The following IFT122 variants were observed in gnomAD, a reference collection of about 807,000 sequenced individuals.
IFT122 encodes the protein intraflagellar transport 122.
Under a neutral mutation model 161.6 loss-of-function variants are expected in IFT122, and 118 were observed. The ratio of observed to expected loss-of-function variants is 0.73; its 90% CI spans 0.63 to 0.85. The LOEUF (loss-of-function observed/expected upper bound fraction) is 0.85. IFT122 is among the 40% of genes least tolerant of loss of function. The pLI is 0.00. For missense variants in IFT122, 1,381 were observed against 1,579.6 expected, an observed-to-expected ratio of 0.87 and a Z score of 2.13; for synonymous variants, 550 against 602.4, an observed-to-expected ratio of 0.91 and a Z score of 1.27.
At chr3:129,481,474 G>A in intron 13 of IFT122, 56 bp from the exon 14 acceptor site, 3 of 1,368,786 alleles carry the variant, frequency 2.2e-6, no homozygotes, top group Non-Finnish European at 1.0e-6. Flanking sequence ...GCCTGGCAGT[G>A]GGCCAGGATC....
At chr3:129,442,427 G>T (rs115378209) in intron 1 of IFT122, among the ~76,000 whole-genome samples, 1,704 of 152,128 alleles carry the variant, frequency 0.011, 30 homozygotes, top group African/African-American at 0.039. Context: ...AATGAATGAT[G>T]AATAAAGATT....
At chr3:129,492,821 T>C (rs1053011841) in intron 17 of IFT122, among the ~76,000 whole-genome samples, 30 of 150,250 alleles carry the variant, frequency 2.0e-4, no homozygotes, top group South Asian at 4.2e-4. Flanking sequence ...TTTTTCTTTT[T>C]TTTTTTTTTT....
chr3:129,492,186 A>G lies in IFT122; in HGVS notation c.2038A>G (p.Ser680Gly), dbSNP rs769054292. The G allele has an allele frequency of 3.8e-5, 62 of 1,612,630 alleles. No individual in the cohort carries two copies. Among genetic ancestry groups the G allele is most frequent in the Non-Finnish European group, 5.2e-5 (61 of 1,178,680 alleles). Residue 680 changes from serine to glycine, a missense_variant, in exon 17 of 30, where the codon AGC becomes GGC. Coordinates refer to ENST00000348417, the MANE Select transcript of IFT122 (RefSeq NM_052989.3). ...QDLRYLELIS[S>G]IEERKKRGET... ...CCTCCGATATTTAGAGCTCATCAGC[A>G]GCATTGAGGTAAAAGATGAAGCATT...
chr3:129,476,937 C>A, intron 11 of IFT122, 136 bp downstream of exon 11: 240 of 738,652 alleles, frequency 3.2e-4, no homozygotes, highest in Non-Finnish European at 4.4e-4. Context: ...GGGTCTGTGT[C>A]TTGTTTTCTT....
chr3:129,469,272 T>G (rs2077119493), intron 8 of IFT122, 70 bp from the exon 9 acceptor site: 3 of 1,326,824 alleles, frequency 2.3e-6, no homozygotes, highest in South Asian at 2.4e-5. Context: ...TCCTGTTGTT[T>G]AAGCCCTTAG....
At chr3:129,450,287 G>C (rs1390498429) in intron 2 of IFT122, among the ~76,000 whole-genome samples, 4 of 152,156 alleles carry the variant, frequency 2.6e-5, no homozygotes, top group African/African-American at 9.7e-5. Context: ...ACGGTGCTGT[G>C]TCCATGAAAA....
At chr3:129,452,719 G>A (rs546161996) in intron 3 of IFT122, among the ~76,000 whole-genome samples, 2 of 152,314 alleles carry the variant, frequency 1.3e-5, no homozygotes, top group South Asian at 2.1e-4. Flanking sequence ...ACTACTGAAA[G>A]GTCCTCAGCA....
chr3:129,478,526 C>T (rs1311104694), intron 12 of IFT122, among the ~76,000 whole-genome samples: 1 of 152,292 alleles, frequency 6.6e-6, no homozygotes, highest in African/African-American at 2.4e-5. Flanking sequence ...ACAATTATGG[C>T]TCACTGCAGC....
Position 129,507,736 on chromosome 3 carries a change from G to A in IFT122, c.2860G>A (p.Gly954Ser), listed in dbSNP as rs1246744473. The change falls in exon 23 of 30, where the codon GGT (glycine) becomes AGT (serine). Residue 954 changes from glycine (G) to serine (S), a missense_variant. By Grantham distance (56) the Gly-to-Ser change is moderately conservative. Coordinates refer to ENST00000348417, the MANE Select transcript of IFT122 (RefSeq NM_052989.3). ...CCAGCGTTTGGCAGAGCTGTACCAT[G>A]GTTACCATGCCATCCATCGCCACAC... ...HFQRLAELYHGYHAIHRHTED... is the reference protein window; with the variant it reads ...HFQRLAELYHSYHAIHRHTED... The A allele has an allele frequency of 3.7e-6, 6 of 1,614,084 alleles. No homozygotes were observed. Among genetic ancestry groups the A allele is most frequent in the South Asian group, 1.1e-5 (1 of 91,076 alleles).
In IFT122 at chr3:129,482,940, G is replaced by A. The variant is rs75844571; in HGVS notation, c.1654-545G>A. Among the ~76,000 whole-genome samples the A allele has an allele frequency of 0.032, 4,798 of 152,252 alleles. 618 individuals are homozygous for A. In the East Asian group the frequency reaches 0.41, roughly 13 times the overall value. The stretch of plus-strand genomic sequence containing the variant: ...ATAGCTGGCCCCAAATGTGAATCTT[G>A]TGTCTGAGCCTAGAATCATACAAGT... On this transcript the variant is annotated intron_variant, in intron 14 of 29. Coordinates refer to ENST00000348417, the MANE Select transcript of IFT122 (RefSeq NM_052989.3).
intron 8 of IFT122, among the ~76,000 whole-genome samples, chr3:129,468,597 A>T (rs1052507800): frequency 1.3e-5 from 2 of 152,022 alleles, no homozygotes; most frequent in East Asian, 3.9e-4. Flanking sequence ...ACCTGCCTCA[A>T]CCTCCCAAAG....
chr3:129,446,280 A>G (rs2073983705), intron 1 of IFT122, among the ~76,000 whole-genome samples: 1 of 149,660 alleles, frequency 6.7e-6, no homozygotes, highest in Non-Finnish European at 1.5e-5. Context: ...GCTGGAGTGT[A>G]GTGGCGCGAT....
At chr3:129,490,802 C>T (rs1486924952) in intron 16 of IFT122, among the ~76,000 whole-genome samples, 3 of 152,242 alleles carry the variant, frequency 2.0e-5, no homozygotes, top group Non-Finnish European at 4.4e-5. Flanking sequence ...GCTTGGGACA[C>T]AGGTAGTCTT....
intron 17 of IFT122, among the ~76,000 whole-genome samples, chr3:129,494,532 G>A (rs894651412): frequency 3.5e-4 from 54 of 152,220 alleles, no homozygotes; most frequent in Admixed American, 3.0e-3. Flanking sequence ...ATGTCTTATC[G>A]TCCTCCAATA....
intron 21 of IFT122, 104 bp from the exon 22 acceptor site, chr3:129,506,305 T>A: frequency 7.4e-7 from 1 of 1,351,816 alleles, no homozygotes; most frequent in Non-Finnish European, 1.0e-6. Flanking sequence ...ATGAGTGTCC[T>A]ACTTCCAAAG....
intron 9 of IFT122, among the ~76,000 whole-genome samples, chr3:129,470,068 G>C (rs1409942917): frequency 6.6e-6 from 1 of 152,014 alleles, no homozygotes; most frequent in Non-Finnish European, 1.5e-5. Context: ...TTTGAGTTAG[G>C]CTAAGGACAT....
intron 3 of IFT122, 170 bp downstream of exon 3, chr3:129,452,168 T>TA: frequency 1.6e-6 from 1 of 626,016 alleles, no homozygotes; most frequent in African/African-American, 1.8e-5. Context: ...CAAGTATTTA[T>TA]TGAGGTCATC....
At chr3:129,463,773 C>T in intron 6 of IFT122, 147 bp downstream of exon 6, 1 of 681,980 alleles carries the variant, frequency 1.5e-6, no homozygotes, top group Non-Finnish European at 2.6e-6. Flanking sequence ...TTCTTCGTCT[C>T]CTCGATGGGA....
chr3:129,485,036 A>G (rs570916534), intron 15 of IFT122, among the ~76,000 whole-genome samples: 36 of 152,216 alleles, frequency 2.4e-4, no homozygotes, highest in African/African-American at 8.4e-4. Context: ...CCTGCCTTGT[A>G]TTTACAGCTG....
Sources: allele counts gnomAD v4.1 joint callset (sites outside exome capture counted in the v4.1 genomes callset), GRCh38; gene constraint gnomAD v4.1.1; transcripts MANE v1.5; gene names NCBI Gene and HGNC (gene_info 2026-07-23, HGNC 2026-07-21).